The following INTS2 variants were observed in gnomAD, a reference collection of about 807,000 sequenced individuals.
INTS2 encodes the protein KIAA1287.
Under a neutral mutation model 139.6 loss-of-function variants are expected in INTS2, and 57 were observed. The ratio of observed to expected loss-of-function variants is 0.41; its 90% CI spans 0.33 to 0.51. The LOEUF (loss-of-function observed/expected upper bound fraction) is 0.51, where lower values mean the gene tolerates loss of function less well. INTS2 is among the 20% of genes least tolerant of loss of function. The pLI, the probability that INTS2 is intolerant of heterozygous loss-of-function variation, is 0.28. For missense variants in INTS2, 1,196 were observed against 1,436.7 expected (o/e 0.83, Z 2.71); for synonymous variants, 473 against 493.4 (o/e 0.96, Z 0.55).
chr17:61,923,942 C>T (rs2079680597), intron 3 of INTS2, among the ~76,000 whole-genome samples: 1 of 152,198 alleles, frequency 6.6e-6, no homozygotes, highest in Non-Finnish European at 1.5e-5. Context: ...CGTGCACCAC[C>T]ACGCCCAGCT....
At position 61,868,527 on chromosome 17, in the gene INTS2, T is replaced by C. The variant is rs1025653958; in HGVS notation, c.3244+507A>G. Among the ~76,000 whole-genome samples the C allele has an allele frequency of 2.0e-5, 3 of 152,302 alleles. No individual in the cohort carries two copies. The highest frequency in any genetic ancestry group is 4.8e-5 in the African/African-American group (2 of 41,590). On this transcript the variant is annotated intron_variant, in intron 23 of 24. Transcript: ENST00000251334. The surrounding 1 kb of genome is among the most constrained non-coding windows in gnomAD (Gnocchi z 4.7). ...ACATTAAGGGTTGCATTATAGTTCA[T>C]ATATTTTAAAGTAGTTTATTTTCAG...
chr17:61,911,253 C>CA (rs1363529436), intron 7 of INTS2: 1 of 437,384 alleles, frequency 2.3e-6, no homozygotes, highest in Non-Finnish European at 4.0e-6. Context: ...ACCAACACAC[C>CA]AGCTGTTCCT....
intron 7 of INTS2, chr17:61,910,926 T>C (rs910000410): frequency 6.6e-6 from 1 of 152,196 alleles, no homozygotes; most frequent in African/African-American, 2.4e-5. Flanking sequence ...ACGGTGCAGT[T>C]TCCAAAGGCT....
chr17:61,888,564 C>CGTGCGTGCGTGTGTGTGTGT (rs755542102), intron 15 of INTS2, among the ~76,000 whole-genome samples: 1 of 119,596 alleles, frequency 8.4e-6, no homozygotes, highest in African/African-American at 2.9e-5. Flanking sequence ...TGTGTGCGTG[C>CGTGCGTGCGTGTGTGTGTGT]GTGTGTGTGT....
chr17:61,877,848 T>C (rs759539420), intron 18 of INTS2, 39 bp downstream of exon 18: 1 of 1,500,734 alleles, frequency 6.7e-7, no homozygotes. Flanking sequence ...ATCCCTGCTA[T>C]ATAATTATCT....
At chr17:61,925,147 A>T (rs1178231737) in intron 2 of INTS2, 48 bp from the exon 3 acceptor site, 1 of 1,508,108 alleles carries the variant, frequency 6.6e-7, no homozygotes, top group Non-Finnish European at 9.2e-7. Context: ...CTGATATGGA[A>T]ATAATTGCAT....
At chr17:61,889,351 T>C (rs990351957) in intron 15 of INTS2, among the ~76,000 whole-genome samples, 2 of 152,146 alleles carry the variant, frequency 1.3e-5, no homozygotes, top group African/African-American at 4.8e-5. Context: ...CCTCCCGAAG[T>C]GCTAGGATTA....
chr17:61,870,729 T>G lies in INTS2; in HGVS notation c.2779-741A>C, dbSNP rs953625120. Among the ~76,000 whole-genome samples the G allele has an allele frequency of 6.6e-6, 1 of 152,214 alleles. No individual in the cohort carries two copies. The highest frequency in any genetic ancestry group is 1.5e-5 in the Non-Finnish European group (1 of 68,042). On this transcript the variant is annotated intron_variant, in intron 20 of 24. Transcript: ENST00000251334. This position sits in a 1 kb window ranked among gnomAD's most constrained non-coding sequence, Gnocchi z 4.4. ...CTTGAGCTAAGTGATTAAGAACTTA[T>G]TATAAAGTGAGGTTAGACTACTTTA... is the stretch of plus-strand genomic sequence containing the variant.
In INTS2 at chr17:61,882,760, TTTAG is replaced by T. The variant is rs1423637461; in HGVS notation, c.2090-1593_2090-1590del. ...AATTATGACACCATAAAAATGCCTATTTAGTTAATGAATTAACGAAGTACTACTA... is the reference window on the plus strand; with the variant it reads ...AATTATGACACCATAAAAATGCCTATTTAATGAATTAACGAAGTACTACTA... On this transcript the variant is annotated intron_variant, in intron 16 of 24. Coordinates refer to ENST00000251334, the MANE Select transcript of INTS2 (RefSeq NM_001351695.2). The surrounding 1 kb of genome is among the most constrained non-coding windows in gnomAD (Gnocchi z 4.7). Among the ~76,000 whole-genome samples the T allele has an allele frequency of 1.6e-3, 239 of 152,300 alleles. No homozygotes were observed. Among genetic ancestry groups the T allele is most frequent in the African/African-American group, 5.6e-3 (231 of 41,566 alleles).
chr17:61,901,423 G>C (rs1484428855), intron 9 of INTS2, among the ~76,000 whole-genome samples: 1 of 151,262 alleles, frequency 6.6e-6, no homozygotes, highest in Non-Finnish European at 1.5e-5. Flanking sequence ...TTCAAAATCA[G>C]TATGACTAAT....
intron 14 of INTS2, among the ~76,000 whole-genome samples, chr17:61,890,864 G>A (rs148749819): frequency 1.1e-4 from 16 of 149,952 alleles, no homozygotes; most frequent in Non-Finnish European, 1.9e-4. Flanking sequence ...AGGAGTTTGA[G>A]ACCAGCCTAC....
At chr17:61,881,373 G>C (rs1374641237) in intron 16 of INTS2, among the ~76,000 whole-genome samples, 1 of 152,158 alleles carries the variant, frequency 6.6e-6, no homozygotes, top group East Asian at 1.9e-4. Flanking sequence ...GAGGCGGGTG[G>C]ATCACCTGAG....
At chr17:61,892,905 G>A (rs1232097353) in intron 13 of INTS2, among the ~76,000 whole-genome samples, 3 of 136,640 alleles carry the variant, frequency 2.2e-5, no homozygotes, top group Non-Finnish European at 4.6e-5. Flanking sequence ...AGTGAGCTGA[G>A]ATAGCACCAC....
Position 61,895,396 on chromosome 17 carries a change from A to G in INTS2, c.1495-13T>C. 1 of 1,505,680 alleles carries G rather than the reference A, an allele frequency of 6.6e-7. No individual in the cohort carries two copies. The highest frequency in any genetic ancestry group is 9.0e-7 in the Non-Finnish European group (1 of 1,112,954). 93.3% of individuals were successfully genotyped at this position (1,505,680 alleles called of 1,614,324 possible). On this transcript the variant is annotated splice_polypyrimidine_tract_variant and intron_variant, in intron 11 of 24. Coordinates refer to ENST00000251334, the MANE Select transcript of INTS2 (RefSeq NM_001351695.2). ...GCTTAATTACAATCTAAAATTACCAAAAGAATTCCAACAGCATGTAAAAAT... is the reference window on the plus strand; with the variant it reads ...GCTTAATTACAATCTAAAATTACCAGAAGAATTCCAACAGCATGTAAAAAT...
In INTS2 at chr17:61,867,813, G is replaced by A; in HGVS notation, c.3421+20C>T. The A allele has an allele frequency of 6.4e-7, 1 of 1,568,872 alleles. No homozygotes were observed. Among genetic ancestry groups the A allele is most frequent in the South Asian group, 1.2e-5 (1 of 83,978 alleles). On this transcript the variant is annotated intron_variant, in intron 24 of 24. Transcript: ENST00000251334. This position sits in a 1 kb window ranked among gnomAD's most constrained non-coding sequence, Gnocchi z 5.6. Reference sequence around the variant, plus strand: ...TGTTTGAGATATTAAGATAACCCTTGAAAATAAGTTACCACTTACGTGTAA... The same window carrying A: ...TGTTTGAGATATTAAGATAACCCTTAAAAATAAGTTACCACTTACGTGTAA...
intron 8 of INTS2, among the ~76,000 whole-genome samples, chr17:61,906,643 T>C (rs2079466347): frequency 1.3e-5 from 2 of 152,108 alleles, no homozygotes; most frequent in South Asian, 4.1e-4. Flanking sequence ...GGACTGTATG[T>C]ACAATTATTA....
intron 9 of INTS2, among the ~76,000 whole-genome samples, chr17:61,899,680 A>C (rs1443344601): frequency 6.6e-6 from 1 of 152,084 alleles, no homozygotes; most frequent in Non-Finnish European, 1.5e-5. Flanking sequence ...GGAGGACAAG[A>C]CAGGAGGATA....
At chr17:61,892,507 C>T (rs923387101) in intron 13 of INTS2, among the ~76,000 whole-genome samples, 2 of 152,164 alleles carry the variant, frequency 1.3e-5, no homozygotes, top group African/African-American at 4.8e-5. Flanking sequence ...TAAAACAAAA[C>T]CAGGCCCACT....
At chr17:61,895,233 C>A in intron 12 of INTS2, 82 bp downstream of exon 12, 1 of 705,818 alleles carries the variant, frequency 1.4e-6, no homozygotes. Context: ...ATATTATTTT[C>A]TTAAGGTAAG....
Sources: gnomAD v4.1 joint callset for allele counts (sites outside exome capture counted in the v4.1 genomes callset) on GRCh38, gnomAD v4.1.1 for gene constraint, Gnocchi (gnomAD v3.1) non-coding constraint, MANE v1.5 for transcripts, NCBI Gene and HGNC (gene_info 2026-07-23, HGNC 2026-07-21) for gene names.